Variants in SLC25A36 observed in about 807,000 individuals in gnomAD.
The protein encoded by SLC25A36 is epididymis secretory sperm binding protein.
A neutral mutation model predicts 35.3 loss-of-function variants in SLC25A36; 24 were observed. The observed-to-expected ratio is 0.68, with a 90% confidence interval of 0.49 to 0.96. SLC25A36 has a LOEUF of 0.96. Ranked by LOEUF, SLC25A36 falls within the 40% of genes least tolerant of loss-of-function variation. SLC25A36 has a pLI of 0.00. For synonymous variants in SLC25A36, 141 were observed against 132.2 expected (o/e 1.07, Z -0.46); for missense variants, 294 against 381.1 (o/e 0.77, Z 1.90).
rs1441636022 is a variant in SLC25A36, at chr3:140,976,642, A to AG, written c.*189_*190insG. On this transcript the variant is annotated 3_prime_UTR_variant, in exon 7 of 7. Transcript: ENST00000324194. ...CTTGGCCTTTCGGTAATGTGAAAAA[A>AG]AAAAAAAACCTCAGAGCCTCCAAGG... 16 of 403,100 alleles carry AG rather than the reference A, an allele frequency of 4.0e-5. No homozygotes were observed. In the East Asian group the frequency reaches 6.0e-4, roughly 15 times the overall value. 25.0% of individuals were successfully genotyped at this position (403,100 alleles called of 1,614,324 possible).
chr3:140,963,196 C>A lies in SLC25A36; in HGVS notation c.354C>A (p.Thr118=). 1 of 1,588,712 alleles carries A rather than the reference C, an allele frequency of 6.3e-7. No homozygotes were observed. Among genetic ancestry groups the A allele is most frequent in the Non-Finnish European group, 8.5e-7 (1 of 1,172,766 alleles). Reference sequence around the variant, plus strand: ...ATGATGTATTTGATCCTGATTCTACCCAAGTACATATGATTTCAGCTGCAA... The same window carrying A: ...ATGATGTATTTGATCCTGATTCTACACAAGTACATATGATTTCAGCTGCAA... ...KLNDVFDPDS[T]QVHMISAAMA... Residue 118 remains threonine (T), a synonymous_variant, in exon 4 of 7, where the codon ACC becomes ACA. Transcript: ENST00000324194.
intron 4 of SLC25A36, chr3:140,970,619 G>A (rs1481951717): frequency 1.7e-5 from 3 of 172,126 alleles, no homozygotes; most frequent in African/African-American, 4.7e-5. Context: ...TGTTTGTAGA[G>A]ATGGATTTCT....
intron 1 of SLC25A36, among the ~76,000 whole-genome samples, chr3:140,954,180 G>A (rs999119300): frequency 1.3e-5 from 2 of 152,118 alleles, no homozygotes; most frequent in Non-Finnish European, 2.9e-5. Flanking sequence ...AAAGCCTTTT[G>A]TGCTTAGCTT....
chr3:140,944,438 GTTAA>G (rs143370308), intron 1 of SLC25A36, among the ~76,000 whole-genome samples: 4,284 of 152,206 alleles, frequency 0.028, 190 homozygotes, highest in African/African-American at 0.099. Flanking sequence ...CAGTAGTTAG[GTTAA>G]TTGAGTTAAG....
intron 6 of SLC25A36, 71 bp downstream of exon 6, chr3:140,974,076 T>A: frequency 9.2e-7 from 1 of 1,090,116 alleles, no homozygotes; most frequent in Non-Finnish European, 1.3e-6. Context: ...TTAAAGCATT[T>A]ATAATTTTAC....
At chr3:140,974,608 A>G (rs1576489705) in intron 6 of SLC25A36, among the ~76,000 whole-genome samples, 1 of 152,160 alleles carries the variant, frequency 6.6e-6, no homozygotes, top group African/African-American at 2.4e-5. Flanking sequence ...AGCCTATTTC[A>G]TTAATAGCTA....
At chr3:140,974,164 T>G (rs550436383) in intron 6 of SLC25A36, among the ~76,000 whole-genome samples, 159 bp downstream of exon 6, 1 of 152,194 alleles carries the variant, frequency 6.6e-6, no homozygotes, top group African/African-American at 2.4e-5. Flanking sequence ...TAGGCTGTAT[T>G]AATAGGTCAG....
At chr3:140,960,313 G>T (rs1934595517) in intron 3 of SLC25A36, among the ~76,000 whole-genome samples, 1 of 152,126 alleles carries the variant, frequency 6.6e-6, no homozygotes, top group Non-Finnish European at 1.5e-5. Context: ...GAAAAATTTT[G>T]ACTCTAAGAA....
rs548415519 is a variant in SLC25A36 at position 140,976,535 on chromosome 3, A to G, written c.*82A>G. 1.3e-4 allele frequency: 165 copies of G among 1,225,240 alleles called. No homozygotes were observed. Among genetic ancestry groups the G allele is most frequent in the Non-Finnish European group, 1.7e-4 (157 of 898,918 alleles). 75.9% of individuals were successfully genotyped at this position (1,225,240 alleles called of 1,614,324 possible). On this transcript the variant is annotated 3_prime_UTR_variant, in exon 7 of 7. Transcript: ENST00000324194. ...TGGGATACAGAAGCCAGCATGGCAGACAGAAGAAAAATAGTTTGGGAACAT... is the reference window on the plus strand; with the variant it reads ...TGGGATACAGAAGCCAGCATGGCAGGCAGAAGAAAAATAGTTTGGGAACAT...
At chr3:140,962,550 T>C (rs933755597) in intron 3 of SLC25A36, among the ~76,000 whole-genome samples, 4 of 152,184 alleles carry the variant, frequency 2.6e-5, no homozygotes, top group African/African-American at 9.6e-5. Flanking sequence ...TGAATTACTG[T>C]GTGTGTAGTA....
intron 4 of SLC25A36, among the ~76,000 whole-genome samples, chr3:140,969,624 C>T (rs2107810816): frequency 6.6e-6 from 1 of 151,954 alleles, no homozygotes; most frequent in Non-Finnish European, 1.5e-5. Context: ...TTGAGTTACT[C>T]AGTTACTGAC....
At chr3:140,971,479 G>A (rs1242841509) in intron 5 of SLC25A36, among the ~76,000 whole-genome samples, 1 of 152,146 alleles carries the variant, frequency 6.6e-6, no homozygotes, top group African/African-American at 2.4e-5. Context: ...ATAATAGCAA[G>A]ATTCATTCAT....
At chr3:140,973,135 A>T (rs1394221943) in intron 5 of SLC25A36, 1 of 152,232 alleles carries the variant, frequency 6.6e-6, no homozygotes, top group Non-Finnish European at 1.5e-5. Context: ...GGAGACTGAT[A>T]TGACCATTGC....
intron 1 of SLC25A36, among the ~76,000 whole-genome samples, chr3:140,943,614 G>A (rs1576473985): frequency 6.6e-6 from 1 of 152,120 alleles, no homozygotes; most frequent in East Asian, 1.9e-4. Flanking sequence ...TGAGGAGACC[G>A]CAGATGTAGT....
intron 1 of SLC25A36, among the ~76,000 whole-genome samples, chr3:140,954,558 T>C (rs1006063353): frequency 6.6e-6 from 1 of 152,248 alleles, no homozygotes; most frequent in African/African-American, 2.4e-5. Flanking sequence ...GTCAGTCTTT[T>C]TAATTCTAGC....
intron 1 of SLC25A36, among the ~76,000 whole-genome samples, chr3:140,954,679 GT>G (rs1443948885): frequency 3.3e-5 from 5 of 152,282 alleles, no homozygotes; most frequent in African/African-American, 1.2e-4. Context: ...ATCACTATCT[GT>G]TAAATCTCTT....
intron 4 of SLC25A36, chr3:140,970,282 T>C (rs1041621861): frequency 2.0e-5 from 3 of 151,990 alleles, no homozygotes; most frequent in Non-Finnish European, 2.9e-5. Context: ...TTGTGACTTT[T>C]TGAACTTTTG....
chr3:140,961,713 G>A (rs558055466), intron 3 of SLC25A36, among the ~76,000 whole-genome samples: 9 of 151,844 alleles, frequency 5.9e-5, no homozygotes, highest in South Asian at 2.1e-4. Flanking sequence ...AAAATTAGCC[G>A]GGTGTGGTGG....
At chr3:140,953,047 A>T (rs937415289) in intron 1 of SLC25A36, among the ~76,000 whole-genome samples, 2 of 152,214 alleles carry the variant, frequency 1.3e-5, no homozygotes, top group Admixed American at 6.5e-5. Context: ...CCATAAATAG[A>T]TCACTGTTAT....
Sources: gnomAD v4.1 joint callset for allele counts (sites outside exome capture counted in the v4.1 genomes callset) on GRCh38, gnomAD v4.1.1 for gene constraint, MANE v1.5 for transcripts, NCBI Gene and HGNC (gene_info 2026-07-23, HGNC 2026-07-21) for gene names.